Variants in PLS3 observed in about 807,000 individuals in gnomAD.
The protein encoded by PLS3 is plastin 3, also known as plastin-3.
In PLS3, 11 loss-of-function variants were observed where a neutral mutation model predicts 46.5. The ratio of observed to expected loss-of-function variants is 0.24; its 90% CI spans 0.15 to 0.39. The LOEUF (loss-of-function observed/expected upper bound fraction) is 0.39. Among genes scored for constraint, PLS3 ranks in the 10% least tolerant of loss-of-function variants. The probability of loss-of-function intolerance (pLI) is 1.00; values close to 1 mark genes in which losing one functional copy is unlikely to be tolerated. For missense variants in PLS3, 308 were observed against 461.8 expected (o/e 0.67, Z 3.05); for synonymous variants, 167 against 162.2 (o/e 1.03, Z -0.22).
rs1237575310 is a variant in PLS3 at position 115,618,720 on chromosome X, A to C, written c.74-3526A>C. ...AGACCAGCCTGGCCAACATGACGAA[A>C]CCCCATCTCTACTAAAAATACAGAA... On this transcript the variant is annotated intron_variant, in intron 2 of 15. Transcript: ENST00000355899. Among the ~76,000 whole-genome samples, 7 of 110,694 alleles carry C rather than the reference A, an allele frequency of 6.3e-5. No individual in the cohort carries two copies. In the Admixed American group the frequency reaches 6.8e-4, roughly 11 times the overall value.
chrX:115,586,327 A>ATT (rs1371206628), intron 1 of PLS3, among the ~76,000 whole-genome samples: 1 of 107,429 alleles, frequency 9.3e-6, no homozygotes. Flanking sequence ...ATGTTAACTC[A>ATT]TTTTGTAACA....
chrX:115,642,298 A>G (rs1263801063), intron 9 of PLS3, among the ~76,000 whole-genome samples: 1 of 110,495 alleles, frequency 9.1e-6, no homozygotes, highest in Non-Finnish European at 1.9e-5. Context: ...TAATCCTTCA[A>G]TTCCCTGAGA....
chrX:115,593,809 T>C (rs1163818332), intron 1 of PLS3, among the ~76,000 whole-genome samples: 1 of 111,728 alleles, frequency 9.0e-6, no homozygotes, highest in Non-Finnish European at 1.9e-5. Context: ...AATAAAATTT[T>C]TGTTAAGAGA....
chrX:115,599,762 A>G (rs782468431), intron 1 of PLS3, among the ~76,000 whole-genome samples: 1 of 107,848 alleles, frequency 9.3e-6, no homozygotes, highest in South Asian at 4.2e-4. Flanking sequence ...CCCCTTGAGT[A>G]GCTGGGACTA....
At chrX:115,584,381 C>T (rs1046249084) in intron 1 of PLS3, among the ~76,000 whole-genome samples, 22 of 111,927 alleles carry the variant, frequency 2.0e-4, no homozygotes, top group African/African-American at 6.8e-4. Context: ...AATACGAAAA[C>T]AGTAGAGCAA....
chrX:115,603,151 C>T (rs1452392772), intron 1 of PLS3, among the ~76,000 whole-genome samples: 3 of 111,259 alleles, frequency 2.7e-5, no homozygotes, highest in African/African-American at 6.5e-5. Flanking sequence ...TTAAATGAGC[C>T]GGTGGAGTGG....
chrX:115,575,681 G>A (rs1375857393), intron 1 of PLS3, among the ~76,000 whole-genome samples: 2 of 111,553 alleles, frequency 1.8e-5, no homozygotes, highest in Non-Finnish European at 3.8e-5. Context: ...CTGACCTCGT[G>A]ATCCACCCGC....
chrX:115,631,332 A>C (rs993920882), intron 5 of PLS3, among the ~76,000 whole-genome samples: 1 of 109,403 alleles, frequency 9.1e-6, no homozygotes, highest in Non-Finnish European at 1.9e-5. Flanking sequence ...CGGCCTCCCA[A>C]AGTGCTGGGG....
At chrX:115,610,489 T>G (rs1406604386) in intron 2 of PLS3, among the ~76,000 whole-genome samples, 166 bp downstream of exon 2, 1 of 104,021 alleles carries the variant, frequency 9.6e-6, no homozygotes, top group Non-Finnish European at 2.0e-5. Context: ...TTTTATTTCT[T>G]TTTTTTTTTT....
chrX:115,576,412 TAAAAC>T (rs1300288166), intron 1 of PLS3, among the ~76,000 whole-genome samples: 3 of 111,150 alleles, frequency 2.7e-5, no homozygotes, highest in African/African-American at 6.5e-5. Context: ...CTACTAAAAA[TAAAAC>T]AAAATTAGCC....
intron 1 of PLS3, among the ~76,000 whole-genome samples, chrX:115,575,884 A>G (rs1277851145): frequency 8.9e-6 from 1 of 112,069 alleles, no homozygotes; most frequent in East Asian, 2.8e-4. Context: ...CATCTTTTCT[A>G]AAACTTATTG....
intron 1 of PLS3, among the ~76,000 whole-genome samples, chrX:115,576,432 A>G (rs781791029): frequency 6.9e-4 from 77 of 111,588 alleles, no homozygotes; most frequent in Admixed American, 1.8e-3. Context: ...TTAGCCAGGC[A>G]TGGTGGCGTG....
At chrX:115,634,239 A>T (rs1483635921) in intron 6 of PLS3, among the ~76,000 whole-genome samples, 158 bp downstream of exon 6, 1 of 111,951 alleles carries the variant, frequency 8.9e-6, no homozygotes, top group Non-Finnish European at 1.9e-5. Context: ...ACTGGGACTC[A>T]GAAAGGTTTC....
intron 1 of PLS3, among the ~76,000 whole-genome samples, chrX:115,602,904 C>A (rs1325596505): frequency 6.3e-5 from 7 of 110,237 alleles, no homozygotes; most frequent in Non-Finnish European, 1.3e-4. Flanking sequence ...AAGTTGGTTA[C>A]CCCCAGATGA....
intron 5 of PLS3, among the ~76,000 whole-genome samples, chrX:115,630,971 A>G (rs1400844455): frequency 6.1e-5 from 6 of 97,738 alleles, no homozygotes; most frequent in Admixed American, 1.3e-4. Flanking sequence ...TATTATACAT[A>G]TATGTTATAT....
At chrX:115,602,609 T>C (rs1362778355) in intron 1 of PLS3, among the ~76,000 whole-genome samples, 3 of 111,573 alleles carry the variant, frequency 2.7e-5, no homozygotes, top group Non-Finnish European at 3.8e-5. Context: ...ACACCCCTTT[T>C]CTGATCATTC....
At chrX:115,588,681 TTTG>T (rs1433178468) in intron 1 of PLS3, among the ~76,000 whole-genome samples, 16 of 110,673 alleles carry the variant, frequency 1.4e-4, no homozygotes, top group African/African-American at 5.3e-4. Flanking sequence ...AGTTGGGTTT[TTTG>T]TTGTTGTTTC....
At chrX:115,643,771 G>GACCA (rs2074922349) in intron 10 of PLS3, among the ~76,000 whole-genome samples, 1 of 111,339 alleles carries the variant, frequency 9.0e-6, no homozygotes, top group Non-Finnish European at 1.9e-5. Context: ...AGTAGTTTGA[G>GACCA]ACCAGCCTGA....
intron 1 of PLS3, among the ~76,000 whole-genome samples, chrX:115,603,325 T>A (rs1438179078): frequency 7.2e-5 from 8 of 111,352 alleles, no homozygotes; most frequent in Admixed American, 1.9e-4. Flanking sequence ...TTTTACTCCC[T>A]TATTTGAAAA....
Sources: gnomAD v4.1 joint callset for allele counts (sites outside exome capture counted in the v4.1 genomes callset) on GRCh38, gnomAD v4.1.1 for gene constraint, MANE v1.5 for transcripts, NCBI Gene and HGNC (gene_info 2026-07-23, HGNC 2026-07-21) for gene names.